The following N4BP1 variants were observed in gnomAD, a reference collection of about 807,000 sequenced individuals.
N4BP1 encodes the protein NEDD4 binding protein 1, also known as NEDD4-binding protein 1.
N4BP1 carries 21 observed loss-of-function variants against 70.9 expected under a neutral mutation model. The observed-to-expected ratio is 0.30, with a 90% CI of 0.21 to 0.43. The LOEUF is 0.43. N4BP1 is among the 20% of genes least tolerant of loss of function. N4BP1 has a pLI of 1.00. For missense variants in N4BP1, 936 were observed against 1,069.4 expected (o/e 0.88, Z 1.74); for synonymous variants, 387 against 394.6 (o/e 0.98, Z 0.23).
chr16:48,559,637 T>G (rs1392997766), intron 2 of N4BP1: 1 of 152,200 alleles, frequency 6.6e-6, no homozygotes, highest in Admixed American at 6.5e-5. Context: ...TGCCAATTGT[T>G]CAGACCACTT....
intron 1 of N4BP1, among the ~76,000 whole-genome samples, chr16:48,604,374 G>A (rs1173853769): frequency 6.6e-6 from 1 of 152,014 alleles, no homozygotes; most frequent in Non-Finnish European, 1.5e-5. Flanking sequence ...AGCATAGTGA[G>A]ATGCCATCTC....
At chr16:48,577,653 C>T in intron 1 of N4BP1, 1 of 223,168 alleles carries the variant, frequency 4.5e-6, no homozygotes, top group Non-Finnish European at 9.3e-6. Context: ...GGTCGGGGGT[C>T]AGGCAGCTGT....
chr16:48,549,880 G>A (rs1398091972), intron 4 of N4BP1, among the ~76,000 whole-genome samples: 1 of 152,194 alleles, frequency 6.6e-6, no homozygotes, highest in Non-Finnish European at 1.5e-5. Context: ...GTGGAACACA[G>A]GCGAAAACAC....
chr16:48,610,155 G>C lies in N4BP1; in HGVS notation c.-183C>G, dbSNP rs892727550. Reference sequence around the variant, plus strand: ...CATCCCGCCACGACCGCAGCAGCTTGGCAATTGCTGGCAGCGAACCCCTCC... The same window carrying C: ...CATCCCGCCACGACCGCAGCAGCTTCGCAATTGCTGGCAGCGAACCCCTCC... On this transcript the variant is annotated 5_prime_UTR_variant, in exon 1 of 7. Transcript: ENST00000262384. The C allele has an allele frequency of 1.7e-5, 3 of 175,622 alleles. No homozygotes were observed. The highest frequency in any genetic ancestry group is 1.7e-4 in the South Asian group (1 of 5,964). The allele number at this position is 175,622 out of a possible 1,614,324, so 10.9% of individuals were successfully genotyped here.
chr16:48,560,702 C>T, intron 2 of N4BP1, 52 bp downstream of exon 2: 1 of 1,539,118 alleles, frequency 6.5e-7, no homozygotes, highest in Non-Finnish European at 8.7e-7. Context: ...GATTCTGAGA[C>T]ACCATTTAGA....
chr16:48,577,116 C>T (rs1002931395), intron 1 of N4BP1, among the ~76,000 whole-genome samples: 1 of 152,150 alleles, frequency 6.6e-6, no homozygotes, highest in Non-Finnish European at 1.5e-5. Flanking sequence ...CAATCCCTTG[C>T]CTTCCTCATC....
chr16:48,607,339 A>G (rs1464907944), intron 1 of N4BP1, among the ~76,000 whole-genome samples: 1 of 152,206 alleles, frequency 6.6e-6, no homozygotes, highest in African/African-American at 2.4e-5. Context: ...AGGAGGCAGA[A>G]CGCACAGCAA....
At chr16:48,551,942 C>A (rs1190340434) in intron 3 of N4BP1, among the ~76,000 whole-genome samples, 1 of 152,106 alleles carries the variant, frequency 6.6e-6, no homozygotes, top group East Asian at 1.9e-4. Context: ...CGCTTGAACC[C>A]AGGAGGCAGA....
In N4BP1 at chr16:48,610,034, C is replaced by T; in HGVS notation, c.-62G>A. 1.0e-6 allele frequency: 1 copy of T among 962,420 alleles called. No homozygotes were observed. The highest frequency in any genetic ancestry group is 1.3e-6 in the Non-Finnish European group (1 of 791,546). 59.6% of individuals were successfully genotyped at this position (962,420 alleles called of 1,614,324 possible). ...GCGGCGGCGACGCCCCCTCAGCTTG[C>T]TGCCGCTGCTCCCAAGCCAGTCAGG... On this transcript the variant is annotated 5_prime_UTR_variant, in exon 1 of 7. Coordinates refer to ENST00000262384, the MANE Select transcript of N4BP1 (RefSeq NM_153029.4).
intron 1 of N4BP1, among the ~76,000 whole-genome samples, chr16:48,569,609 C>G (rs1416462554): frequency 6.6e-6 from 1 of 152,106 alleles, no homozygotes; most frequent in Non-Finnish European, 1.5e-5. Flanking sequence ...CCAGGCTGGC[C>G]TTGAACTCAC....
intron 1 of N4BP1, among the ~76,000 whole-genome samples, chr16:48,564,858 T>G (rs1454314394): frequency 1.3e-5 from 2 of 152,240 alleles, no homozygotes; most frequent in Non-Finnish European, 2.9e-5. Flanking sequence ...CTTTTGAGTT[T>G]TGAGAATACA....
At chr16:48,584,183 G>C (rs566018876) in intron 1 of N4BP1, among the ~76,000 whole-genome samples, 1 of 152,324 alleles carries the variant, frequency 6.6e-6, no homozygotes, top group African/African-American at 2.4e-5. Context: ...ACCATATGGT[G>C]ATCTGTCCGG....
chr16:48,558,435 C>G (rs1567430082), intron 2 of N4BP1, among the ~76,000 whole-genome samples: 1 of 152,068 alleles, frequency 6.6e-6, no homozygotes, highest in Non-Finnish European at 1.5e-5. Flanking sequence ...GTCACAACGA[C>G]TGGGGAAGGA....
At chr16:48,576,127 G>A (rs1336251337) in intron 1 of N4BP1, among the ~76,000 whole-genome samples, 1 of 151,636 alleles carries the variant, frequency 6.6e-6, no homozygotes, top group African/African-American at 2.4e-5. Context: ...ATTAACGTGA[G>A]TCCTACAGCA....
At chr16:48,559,665 C>T (rs1363228377) in intron 2 of N4BP1, 1 of 152,202 alleles carries the variant, frequency 6.6e-6, no homozygotes, top group Non-Finnish European at 1.5e-5. Flanking sequence ...AGGCAAATGC[C>T]TCATCACAGG....
At chr16:48,600,804 A>G (rs894540542) in intron 1 of N4BP1, among the ~76,000 whole-genome samples, 38 of 152,256 alleles carry the variant, frequency 2.5e-4, no homozygotes, top group African/African-American at 8.9e-4. Flanking sequence ...CAGATATTAC[A>G]GATGTTAGAT....
intron 2 of N4BP1, among the ~76,000 whole-genome samples, chr16:48,559,130 T>C (rs946473714): frequency 7.2e-5 from 11 of 152,182 alleles, no homozygotes; most frequent in Non-Finnish European, 1.0e-4. Context: ...GAGCTGGTAA[T>C]TGTTGAAGGT....
intron 1 of N4BP1, among the ~76,000 whole-genome samples, chr16:48,596,060 A>C (rs1161791682): frequency 6.6e-6 from 1 of 152,272 alleles, no homozygotes; most frequent in East Asian, 1.9e-4. Flanking sequence ...TCTATGGAAG[A>C]AATCAGGCCA....
intron 1 of N4BP1, among the ~76,000 whole-genome samples, chr16:48,598,133 C>G (rs1964445304): frequency 6.6e-6 from 1 of 152,214 alleles, no homozygotes; most frequent in African/African-American, 2.4e-5. Flanking sequence ...GACTGGGACA[C>G]TCGTTCAGCA....
Sources: gnomAD v4.1 joint callset for allele counts (sites outside exome capture counted in the v4.1 genomes callset) on GRCh38, gnomAD v4.1.1 for gene constraint, MANE v1.5 for transcripts, NCBI Gene and HGNC (gene_info 2026-07-23, HGNC 2026-07-21) for gene names.